The following CDC42SE2 variants were observed in gnomAD, a reference collection of about 807,000 sequenced individuals.
CDC42SE2 encodes CDC42 small effector protein 2.
CDC42SE2 carries 3 observed loss-of-function variants against 11.5 expected under a neutral mutation model. The observed-to-expected ratio is 0.26, with a 90% CI of 0.12 to 0.67. The LOEUF is 0.67. Ranked by LOEUF, CDC42SE2 falls within the 30% of genes least tolerant of loss-of-function variation. CDC42SE2 has a pLI of 0.80. For synonymous variants in CDC42SE2, 33 were observed against 34.8 expected (o/e 0.95, Z 0.18); for missense variants, 82 against 106.8 (o/e 0.77, Z 1.02).
At chr5:131,373,249 A>G (rs1750061091) in intron 3 of CDC42SE2, among the ~76,000 whole-genome samples, 1 of 152,226 alleles carries the variant, frequency 6.6e-6, no homozygotes, top group Non-Finnish European at 1.5e-5. Context: ...AAAACCTACA[A>G]AGAAAAAGAG....
At chr5:131,351,806 A>C (rs1484646844) in intron 2 of CDC42SE2, among the ~76,000 whole-genome samples, 1 of 152,228 alleles carries the variant, frequency 6.6e-6, no homozygotes, top group Non-Finnish European at 1.5e-5. Context: ...CACAAATCAT[A>C]AGAGATAAAA....
intron 2 of CDC42SE2, among the ~76,000 whole-genome samples, chr5:131,339,206 C>T (rs1249768105): frequency 1.4e-5 from 2 of 140,898 alleles, no homozygotes; most frequent in Admixed American, 1.5e-4. Flanking sequence ...TGAGATCGCA[C>T]CACTGCACTC....
chr5:131,356,880 C>G (rs1749563724), intron 2 of CDC42SE2, among the ~76,000 whole-genome samples: 1 of 152,144 alleles, frequency 6.6e-6, no homozygotes, highest in Non-Finnish European at 1.5e-5. Context: ...TGCATTCCAG[C>G]CTGGGCAACA....
At chr5:131,352,832 A>T (rs1457388201) in intron 2 of CDC42SE2, among the ~76,000 whole-genome samples, 3 of 152,192 alleles carry the variant, frequency 2.0e-5, no homozygotes, top group Non-Finnish European at 4.4e-5. Context: ...TTGGCATCTG[A>T]TGGAACTTCA....
intron 2 of CDC42SE2, among the ~76,000 whole-genome samples, chr5:131,326,166 G>A (rs1382329405): frequency 4.0e-5 from 6 of 150,806 alleles, no homozygotes; most frequent in East Asian, 2.0e-4. Context: ...GTGCAGTGGC[G>A]CAATCTCAGC....
At chr5:131,280,061 T>C (rs1338223649) in intron 1 of CDC42SE2, among the ~76,000 whole-genome samples, 2 of 152,216 alleles carry the variant, frequency 1.3e-5, no homozygotes, top group Non-Finnish European at 2.9e-5. Context: ...AGCAAGACCC[T>C]GTCTCAAAGA....
At chr5:131,220,283 T>C in the CDC42SE2 span, among the ~76,000 whole-genome samples, 12 of 152,170 alleles carry the variant, frequency 7.9e-5, no homozygotes, top group African/African-American at 2.9e-4. Flanking sequence ...CTCGGCTCAC[T>C]GCAACCTCCG....
At chr5:131,273,303 C>A (rs1757032182) in intron 1 of CDC42SE2, among the ~76,000 whole-genome samples, 1 of 149,248 alleles carries the variant, frequency 6.7e-6, no homozygotes. Flanking sequence ...CTACAGGCGC[C>A]CATCACCACG....
At chr5:131,223,381 G>C in the CDC42SE2 span, among the ~76,000 whole-genome samples, 5 of 149,396 alleles carry the variant, frequency 3.3e-5, no homozygotes, top group East Asian at 1.9e-4. Context: ...AAGATGTCTG[G>C]GGGGGCACAG....
chr5:131,373,824 A>C (rs1348711339), intron 3 of CDC42SE2, among the ~76,000 whole-genome samples: 1 of 152,222 alleles, frequency 6.6e-6, no homozygotes, highest in Admixed American at 6.5e-5. Context: ...GAACAAATCG[A>C]TAACAAGAAA....
Position 131,302,287 on chromosome 5 carries a change from C to G in CDC42SE2, c.-454-13689C>G, listed in dbSNP as rs184452267. On this transcript the variant is annotated intron_variant, in intron 1 of 4. Transcript: ENST00000505065. The stretch of plus-strand genomic sequence containing the variant: ...CTCCGCCTCCCGGGTTCAAGAGATT[C>G]TCCTGCCTCAGCCTCCCCAGTAGCT... Among the ~76,000 whole-genome samples the G allele has an allele frequency of 2.0e-3, 302 of 152,264 alleles. 1 individual carries two copies. Among genetic ancestry groups the G allele is most frequent in the African/African-American group, 7.0e-3 (290 of 41,536 alleles).
At position 131,286,283 on chromosome 5, in the gene CDC42SE2, T is replaced by G. The variant is rs78614802; in HGVS notation, c.-455+22117T>G. 1.3e-4 allele frequency among the ~76,000 whole-genome samples: 20 copies of G among 151,972 alleles called. No individual in the cohort carries two copies. In the East Asian group the frequency reaches 3.7e-3, roughly 28 times the overall value. ...GTTTTTTGTGGAGATGGGATCTCAC[T>G]GTATTGCCCAGTCTGGTCTTGAACT... On this transcript the variant is annotated intron_variant, in intron 1 of 4. Transcript: ENST00000505065.
intron 1 of CDC42SE2, among the ~76,000 whole-genome samples, chr5:131,301,301 T>C (rs1346009285): frequency 1.3e-5 from 2 of 152,066 alleles, no homozygotes; most frequent in African/African-American, 4.8e-5. Flanking sequence ...GTTAATAACA[T>C]ATAGCTTCAA....
intron 2 of CDC42SE2, among the ~76,000 whole-genome samples, chr5:131,357,428 A>C (rs1248621946): frequency 6.6e-6 from 1 of 152,192 alleles, no homozygotes; most frequent in Non-Finnish European, 1.5e-5. Context: ...CTGTACAGCT[A>C]CAAAAATCAC....
In CDC42SE2 at chr5:131,265,458, A is replaced by G. The variant is rs948432501; in HGVS notation, c.-455+1292A>G. Among the ~76,000 whole-genome samples the G allele has an allele frequency of 5.3e-5, 8 of 151,928 alleles. 1 individual carries two copies. In the South Asian group the frequency reaches 1.0e-3, roughly 20 times the overall value. On this transcript the variant is annotated intron_variant, in intron 1 of 4. Coordinates refer to ENST00000505065, the MANE Select transcript of CDC42SE2 (RefSeq NM_001375635.1). ...GGGAGAACTCTAAATTTAGGGGGGG[A>G]AAAGCTAATGTTGCACTAATATAAT...
At chr5:131,350,268 C>G (rs908350774) in intron 2 of CDC42SE2, among the ~76,000 whole-genome samples, 1 of 151,530 alleles carries the variant, frequency 6.6e-6, no homozygotes, top group African/African-American at 2.4e-5. Flanking sequence ...CTCATGTATA[C>G]AATTAAATTC....
intron 1 of CDC42SE2, among the ~76,000 whole-genome samples, chr5:131,283,179 G>C (rs868463399): frequency 6.6e-6 from 1 of 151,948 alleles, no homozygotes; most frequent in South Asian, 2.1e-4. Flanking sequence ...TGCCCGCCTT[G>C]GCCTCCCAAA....
chr5:131,297,398 T>C (rs548343167), intron 1 of CDC42SE2, among the ~76,000 whole-genome samples: 3 of 152,114 alleles, frequency 2.0e-5, no homozygotes, highest in African/African-American at 7.2e-5. Flanking sequence ...AAACAAATAT[T>C]TGTTAGTGTA....
At chr5:131,262,237 GTTA>G (rs1320725111), upstream of CDC42SE2, among the ~76,000 whole-genome samples, 1 of 150,222 alleles carries the variant, frequency 6.7e-6, no homozygotes, top group East Asian at 1.9e-4. Context: ...ACTCTATCAT[GTTA>G]TTCTCATTCA....
Sources: allele counts gnomAD v4.1 joint callset (sites outside exome capture counted in the v4.1 genomes callset), GRCh38; gene constraint gnomAD v4.1.1; transcripts MANE v1.5; gene names NCBI Gene and HGNC (gene_info 2026-07-23, HGNC 2026-07-21).